The following SESN3 variants were observed in gnomAD, a reference collection of about 807,000 sequenced individuals.
The protein encoded by SESN3 is sestrin-3.
In SESN3, 21 loss-of-function variants were observed where a neutral mutation model predicts 55.3. The ratio of observed to expected loss-of-function variants is 0.38; its 90% confidence interval spans 0.27 to 0.55. The LOEUF (loss-of-function observed/expected upper bound fraction) is 0.55, where lower values mean the gene tolerates loss of function less well. Among genes scored for constraint, SESN3 ranks in the 20% least tolerant of loss-of-function variants. The pLI is 0.76. For synonymous variants in SESN3, 181 were observed against 203.1 expected, an observed-to-expected ratio of 0.89 and a Z score of 0.93; for missense variants, 408 against 604.3, an observed-to-expected ratio of 0.68 and a Z score of 3.41.
At position 95,172,824 on chromosome 11, in the gene SESN3, C is replaced by T; in HGVS notation, c.*431G>A. On this transcript the variant is annotated 3_prime_UTR_variant, in exon 10 of 10. Coordinates refer to ENST00000536441, the MANE Select transcript of SESN3 (RefSeq NM_144665.4). ...AGTTTTAGAATGGCCAGAGAGGTCA[C>T]TCTTTGCTGAATTCCAATATCTGAA... The T allele has an allele frequency of 6.5e-6, 1 of 154,862 alleles. No homozygotes were observed. The highest frequency in any genetic ancestry group is 3.3e-3 in the Middle Eastern group (1 of 306). 9.6% of individuals were successfully genotyped at this position (154,862 alleles called of 1,614,324 possible).
chr11:95,214,757 T>C (rs768163579), intron 1 of SESN3, among the ~76,000 whole-genome samples: 5 of 152,170 alleles, frequency 3.3e-5, no homozygotes, highest in Non-Finnish European at 7.3e-5. Flanking sequence ...AAGCTTAAAA[T>C]ATCAATCTTC....
At chr11:95,225,861 A>C (rs368111758) in intron 1 of SESN3, among the ~76,000 whole-genome samples, 17 of 152,250 alleles carry the variant, frequency 1.1e-4, no homozygotes. Flanking sequence ...TATTAAGCAC[A>C]ATTTTCCTTA....
Position 95,172,227 on chromosome 11 carries a change from G to A in SESN3, c.*1028C>T, listed in dbSNP as rs1421843892. The A allele has an allele frequency of 2.0e-5, 3 of 152,028 alleles. No individual in the cohort carries two copies. The highest frequency in any genetic ancestry group is 4.4e-5 in the Non-Finnish European group (3 of 67,970). 9.4% of individuals were successfully genotyped at this position (152,028 alleles called of 1,614,324 possible). A position where few individuals can be genotyped will look rare whatever the true frequency, so the allele number is the denominator to read the frequency against. On this transcript the variant is annotated 3_prime_UTR_variant, in exon 10 of 10. Coordinates refer to ENST00000536441, the MANE Select transcript of SESN3 (RefSeq NM_144665.4). ...AATTTTTACCTTTGAAAAATAAACT[G>A]TCTAACCTATTATAAGAACAAAAGT... is the stretch of plus-strand genomic sequence containing the variant.
chr11:95,167,032 T>TA lies in SESN3; in HGVS notation c.*6222dup, dbSNP rs1859763192. ...GGAAACTCCTTGGCCACCCAACTAA[T>TA]ACATTTCTTTTTTCTTTTAATCCTT... On this transcript the variant is annotated 3_prime_UTR_variant, in exon 10 of 10. Coordinates refer to ENST00000536441, the MANE Select transcript of SESN3 (RefSeq NM_144665.4). The TA allele has an allele frequency of 6.6e-6, 1 of 152,212 alleles. No homozygotes were observed. Among genetic ancestry groups the TA allele is most frequent in the Non-Finnish European group, 1.5e-5 (1 of 68,020 alleles). 9.4% of individuals were successfully genotyped at this position (152,212 alleles called of 1,614,324 possible).
chr11:95,232,291 A>AG (rs1861086276), upstream of SESN3: 1 of 152,258 alleles, frequency 6.6e-6, no homozygotes, highest in Admixed American at 6.5e-5. Flanking sequence ...GGTCTCCCGA[A>AG]GGGGCTAGCA....
intron 9 of SESN3, among the ~76,000 whole-genome samples, chr11:95,173,708 C>T (rs1283342841): frequency 2.0e-5 from 3 of 149,220 alleles, no homozygotes; most frequent in Non-Finnish European, 4.5e-5. Flanking sequence ...TTTTTTTTAA[C>T]AGTTTATGCT....
chr11:95,184,033 A>AC (rs1233105443), intron 6 of SESN3: 13 of 232,690 alleles, frequency 5.6e-5, no homozygotes, highest in African/African-American at 2.5e-4. Flanking sequence ...CTTCCCACAC[A>AC]CCCCCCACCT....
intron 1 of SESN3, among the ~76,000 whole-genome samples, chr11:95,202,926 G>A (rs1305829960): frequency 1.3e-5 from 2 of 151,970 alleles, no homozygotes; most frequent in Admixed American, 1.3e-4. Flanking sequence ...TTAAAATAAT[G>A]TCTCAATTAG....
Position 95,189,886 on chromosome 11 carries a change from C to G in SESN3, c.418G>C (p.Glu140Gln). The G allele has an allele frequency of 6.2e-7, 1 of 1,611,602 alleles. No homozygotes were observed. The highest frequency in any genetic ancestry group is 8.5e-7 in the Non-Finnish European group (1 of 1,178,444). The change falls in exon 4 of 10, where the codon GAG becomes CAG. Residue 140 changes from glutamate to glutamine, a missense_variant. Physicochemically the swap from Glu to Gln is conservative, Grantham distance 29. Transcript: ENST00000536441. ...DEFLKTGGIA[E>Q]WLNGLEYVPQ... Reference sequence around the variant, plus strand: ...ACATATTCCAAACCATTCAACCACTCAGCAATACCTCCAGTCTTTAAAAAT... The same window carrying G: ...ACATATTCCAAACCATTCAACCACTGAGCAATACCTCCAGTCTTTAAAAAT...
chr11:95,187,705 T>C (rs886220876), intron 4 of SESN3, among the ~76,000 whole-genome samples: 2 of 151,888 alleles, frequency 1.3e-5, no homozygotes, highest in Admixed American at 1.3e-4. Flanking sequence ...AGTATCTCCT[T>C]GGATGGGCCA....
At chr11:95,218,143 T>C (rs529143677) in intron 1 of SESN3, among the ~76,000 whole-genome samples, 29 of 152,374 alleles carry the variant, frequency 1.9e-4, no homozygotes, top group African/African-American at 6.7e-4. Context: ...AGGTAGAGAA[T>C]TAGGATTTTA....
At chr11:95,218,579 G>A (rs184636406) in intron 1 of SESN3, among the ~76,000 whole-genome samples, 8 of 150,862 alleles carry the variant, frequency 5.3e-5, no homozygotes, top group Admixed American at 3.3e-4. Context: ...GCATAAAATA[G>A]CAATCTGTAT....
At chr11:95,174,512 C>A (rs1859917392) in intron 9 of SESN3, among the ~76,000 whole-genome samples, 1 of 152,130 alleles carries the variant, frequency 6.6e-6, no homozygotes, top group African/African-American at 2.4e-5. Context: ...GAGATGAAGT[C>A]TTGCTCTGTT....
chr11:95,166,437 C>T lies in SESN3; in HGVS notation c.*6818G>A, dbSNP rs1022404235. The T allele has an allele frequency of 6.6e-6, 1 of 152,150 alleles. No individual in the cohort carries two copies. Among genetic ancestry groups the T allele is most frequent in the Non-Finnish European group, 1.5e-5 (1 of 68,028 alleles). The allele number at this position is 152,150 out of a possible 1,614,324, so 9.4% of individuals were successfully genotyped here. On this transcript the variant is annotated 3_prime_UTR_variant, in exon 10 of 10. Coordinates refer to ENST00000536441, the MANE Select transcript of SESN3 (RefSeq NM_144665.4). ...TTCACAGCATGCTACATATATCGCT[C>T]ACAACTTAAGGATAAATGTCTAACA...
At chr11:95,181,913 C>T (rs1016848923) in intron 6 of SESN3, among the ~76,000 whole-genome samples, 1 of 151,940 alleles carries the variant, frequency 6.6e-6, no homozygotes, top group Non-Finnish European at 1.5e-5. Context: ...AAAGTTGGTA[C>T]TGGCAATGAT....
rs780976939 is a variant in SESN3, at chr11:95,172,658, A to AAAC, written c.*594_*596dup. The AAAC allele has an allele frequency of 6.6e-6, 1 of 152,200 alleles. No individual in the cohort carries two copies. Among genetic ancestry groups the AAAC allele is most frequent in the Non-Finnish European group, 1.5e-5 (1 of 68,022 alleles). 9.4% of individuals were successfully genotyped at this position (152,200 alleles called of 1,614,324 possible). A position where few individuals can be genotyped will look rare whatever the true frequency, so the allele number is the denominator to read the frequency against. On this transcript the variant is annotated 3_prime_UTR_variant, in exon 10 of 10. Coordinates refer to ENST00000536441, the MANE Select transcript of SESN3 (RefSeq NM_144665.4). Reference sequence around the variant, plus strand: ...TTTCATGTTATCGCCAATAGCAGTAAAACAACAATAAATGAACAAACAAAC... The same window carrying AAAC: ...TTTCATGTTATCGCCAATAGCAGTAAAACAACAACAATAAATGAACAAACAAAC...
chr11:95,201,736 T>C (rs1181704612), intron 1 of SESN3, among the ~76,000 whole-genome samples: 1 of 152,068 alleles, frequency 6.6e-6, no homozygotes, highest in Non-Finnish European at 1.5e-5. Flanking sequence ...TCCTTTAAAC[T>C]GGAAATAAAT....
At chr11:95,231,392 G>A (rs1236213408), upstream of SESN3, 2 of 365,734 alleles carry the variant, frequency 5.5e-6, no homozygotes, top group African/African-American at 4.2e-5. Context: ...GGCAAGTTAA[G>A]TTTATCTCCG....
chr11:95,191,611 A>C lies in SESN3; in HGVS notation c.145-10T>G, dbSNP rs182315158. 3,129 of 1,578,724 alleles carry C rather than the reference A, an allele frequency of 2.0e-3. 53 individuals are homozygous for C. The African/African-American group carries it at 0.039, about 20-fold the overall frequency. ...TGTTTGCTTGGACAACCTTATAACC[A>C]AAAAAAACAAAACAAAATGACTATT... On this transcript the variant is annotated splice_polypyrimidine_tract_variant and intron_variant, in intron 2 of 9. Coordinates refer to ENST00000536441, the MANE Select transcript of SESN3 (RefSeq NM_144665.4).
Sources: allele counts gnomAD v4.1 joint callset (sites outside exome capture counted in the v4.1 genomes callset), GRCh38; gene constraint gnomAD v4.1.1; transcripts MANE v1.5; gene names NCBI Gene and HGNC (gene_info 2026-07-23, HGNC 2026-07-21).